TMTC2: variants seen among roughly 807,000 people sequenced by gnomAD.
TMTC2 encodes transmembrane O-mannosyltransferase targeting cadherins 2, also known as protein O-mannosyl-transferase TMTC2.
Under a neutral mutation model 82.4 loss-of-function variants are expected in TMTC2, and 43 were observed. That is an observed-to-expected ratio of 0.52 (90% CI 0.41 to 0.67). TMTC2 has a LOEUF of 0.67. TMTC2 is among the 30% of genes least tolerant of loss of function. The pLI is 0.00. For synonymous variants in TMTC2, 408 were observed against 381.9 expected (o/e 1.07, Z -0.80); for missense variants, 919 against 1,012.4 (o/e 0.91, Z 1.25).
At chr12:82,772,881 C>G (rs11115407) in intron 1 of TMTC2, among the ~76,000 whole-genome samples, 1 of 151,814 alleles carries the variant, frequency 6.6e-6, no homozygotes, top group South Asian at 2.1e-4. Flanking sequence ...AAAGTAGTGT[C>G]GGAGTGGGGG....
intron 11 of TMTC2, among the ~76,000 whole-genome samples, chr12:83,096,150 C>G (rs1036944821): frequency 6.6e-6 from 1 of 152,236 alleles, no homozygotes; most frequent in African/African-American, 2.4e-5. Context: ...TCTAGAGCCA[C>G]AGTTTGAAAT....
At chr12:82,954,207 T>A (rs74106196) in intron 4 of TMTC2, among the ~76,000 whole-genome samples, 9,039 of 152,224 alleles carry the variant, frequency 0.059, 892 homozygotes, top group African/African-American at 0.21. Flanking sequence ...TCTGTAACTC[T>A]TGAGTTTTCG....
intron 1 of TMTC2, among the ~76,000 whole-genome samples, chr12:82,729,284 A>G (rs556419037): frequency 1.3e-4 from 20 of 152,328 alleles, no homozygotes; most frequent in African/African-American, 4.6e-4. Flanking sequence ...GTAAACACCA[A>G]TCAGCACTCT....
At chr12:82,735,422 T>C (rs1039340386) in intron 1 of TMTC2, among the ~76,000 whole-genome samples, 1 of 151,384 alleles carries the variant, frequency 6.6e-6, no homozygotes, top group East Asian at 2.0e-4. Context: ...CTCGGCTCAC[T>C]GCAAGCTCCG....
chr12:82,735,668 A>T (rs1875078570), intron 1 of TMTC2, among the ~76,000 whole-genome samples: 1 of 142,808 alleles, frequency 7.0e-6, no homozygotes, highest in Admixed American at 6.9e-5. Flanking sequence ...TTTTTTAAAG[A>T]TGTATTCATT....
At chr12:82,751,765 T>G (rs1253107339) in intron 1 of TMTC2, among the ~76,000 whole-genome samples, 2 of 152,162 alleles carry the variant, frequency 1.3e-5, no homozygotes. Context: ...TTTGTAGTCT[T>G]TTTAAAGAAG....
intron 11 of TMTC2, among the ~76,000 whole-genome samples, chr12:83,114,014 T>A (rs1158636000): frequency 1.3e-5 from 2 of 152,196 alleles, no homozygotes; most frequent in Non-Finnish European, 2.9e-5. Context: ...ATGTGATTAC[T>A]CTGAATGAAA....
intron 2 of TMTC2, among the ~76,000 whole-genome samples, chr12:82,886,422 T>C (rs776799632): frequency 5.3e-5 from 8 of 152,228 alleles, no homozygotes; most frequent in Non-Finnish European, 8.8e-5. Flanking sequence ...CTTAAGCTGT[T>C]ATGTGTTTAG....
At chr12:82,836,063 A>C (rs1015833061) in intron 1 of TMTC2, among the ~76,000 whole-genome samples, 4 of 152,258 alleles carry the variant, frequency 2.6e-5, no homozygotes, top group Admixed American at 6.5e-5. Context: ...CTAGCAAAAA[A>C]TAAGAAATAG....
At chr12:82,806,605 C>A (rs1879253248) in intron 1 of TMTC2, among the ~76,000 whole-genome samples, 1 of 152,056 alleles carries the variant, frequency 6.6e-6, no homozygotes, top group South Asian at 2.1e-4. Flanking sequence ...TGACTATACG[C>A]CTTACCAATA....
intron 11 of TMTC2, among the ~76,000 whole-genome samples, chr12:83,115,647 A>T (rs1165974143): frequency 3.3e-5 from 5 of 150,346 alleles, no homozygotes; most frequent in Admixed American, 2.7e-4. Context: ...TTTTTTTATT[A>T]TTTTTTTTTT....
In TMTC2 at chr12:83,007,105, C is replaced by A. The variant is rs192732810; in HGVS notation, c.2070+21059C>A. On this transcript the variant is annotated intron_variant, in intron 8 of 11. Coordinates refer to ENST00000321196, the MANE Select transcript of TMTC2 (RefSeq NM_152588.3). ...AACTTAAAGTATAATAGAAAAAAAC[C>A]CAGAAAATTTAGAATTGAAAAAAAA... Among the ~76,000 whole-genome samples, 64 of 151,784 alleles carry A rather than the reference C, an allele frequency of 4.2e-4. 1 individual carries two copies. The highest frequency in any genetic ancestry group is 9.7e-4 in the East Asian group (5 of 5,158).
At chr12:83,108,140 G>T (rs145744144) in intron 11 of TMTC2, among the ~76,000 whole-genome samples, 20 of 152,220 alleles carry the variant, frequency 1.3e-4, no homozygotes, top group African/African-American at 3.9e-4. Flanking sequence ...AGCCAATTAA[G>T]CCTCTGTTCT....
At chr12:82,964,216 C>T (rs147638015) in intron 4 of TMTC2, among the ~76,000 whole-genome samples, 83 of 151,904 alleles carry the variant, frequency 5.5e-4, no homozygotes, top group Non-Finnish European at 9.6e-4. Flanking sequence ...GCCCTCTGTG[C>T]GAGCTTTTTG....
intron 11 of TMTC2, among the ~76,000 whole-genome samples, chr12:83,065,261 T>C (rs2137478715): frequency 6.6e-6 from 1 of 152,068 alleles, no homozygotes; most frequent in South Asian, 2.1e-4. Context: ...ATTTTTTCTA[T>C]GATATGAAAG....
intron 3 of TMTC2, among the ~76,000 whole-genome samples, chr12:82,927,640 G>C (rs1161248139): frequency 6.6e-6 from 1 of 152,148 alleles, no homozygotes; most frequent in East Asian, 1.9e-4. Context: ...TTTCGTGAAA[G>C]GAAGAGTTAA....
chr12:82,925,349 C>T (rs1875639914), intron 3 of TMTC2, among the ~76,000 whole-genome samples: 1 of 152,106 alleles, frequency 6.6e-6, no homozygotes, highest in Non-Finnish European at 1.5e-5. Flanking sequence ...AAGTTCCTGG[C>T]ACAATAGGTG....
intron 1 of TMTC2, among the ~76,000 whole-genome samples, chr12:82,723,245 G>A (rs181626839): frequency 6.6e-6 from 1 of 152,284 alleles, no homozygotes; most frequent in East Asian, 1.9e-4. Context: ...TGAGAGTGGT[G>A]CAATAAACCT....
At chr12:82,747,006 C>G (rs1242069513) in intron 1 of TMTC2, among the ~76,000 whole-genome samples, 1 of 152,126 alleles carries the variant, frequency 6.6e-6, no homozygotes, top group Non-Finnish European at 1.5e-5. Context: ...AGATAAGAGC[C>G]CAGTCTGGCC....
Sources: gnomAD v4.1 joint callset for allele counts (sites outside exome capture counted in the v4.1 genomes callset) on GRCh38, gnomAD v4.1.1 for gene constraint, MANE v1.5 for transcripts, NCBI Gene and HGNC (gene_info 2026-07-23, HGNC 2026-07-21) for gene names.